CFL1: variants seen among roughly 807,000 people sequenced by gnomAD.
CFL1 encodes cofilin 1.
In CFL1, 2 loss-of-function variants were observed where a neutral mutation model predicts 16.3. The ratio of observed to expected loss-of-function variants is 0.12; its 90% CI spans 0.05 to 0.39. The LOEUF is 0.39. CFL1 is among the 10% of genes least tolerant of loss of function. The pLI is 0.99. For missense variants in CFL1, 75 were observed against 212.2 expected (o/e 0.35, Z 4.02); for synonymous variants, 111 against 84.4 (o/e 1.31, Z -1.73).
At chr11:65,857,979 C>T (rs984382983) in intron 1 of CFL1, 118 bp downstream of exon 1, 3 of 1,157,040 alleles carry the variant, frequency 2.6e-6, no homozygotes, top group African/African-American at 1.6e-5. Context: ...TCGTGCGAGA[C>T]CCTCATCCCG....
intron 1 of CFL1, chr11:65,857,581 A>T (rs1039659159): frequency 4.8e-6 from 1 of 210,514 alleles, no homozygotes; most frequent in Admixed American, 5.8e-5. Flanking sequence ...CCGCGCCAGC[A>T]CCCGCCCCTC....
intron 1 of CFL1, chr11:65,857,362 G>C (rs1486635329): frequency 7.7e-6 from 3 of 390,306 alleles, no homozygotes; most frequent in South Asian, 5.2e-5. Context: ...CTTCGGCACC[G>C]GCGGCCGGGC....
At position 65,854,785 on chromosome 11, in the gene CFL1, T is replaced by G. The variant is rs1270663915; in HGVS notation, c.*551A>C. 6.5e-6 allele frequency: 1 copy of G among 153,710 alleles called. No individual in the cohort carries two copies. The highest frequency in any genetic ancestry group is 2.4e-5 in the African/African-American group (1 of 41,284). The allele number at this position is 153,710 out of a possible 1,614,324, so 9.5% of individuals were successfully genotyped here. A position where few individuals can be genotyped will look rare whatever the true frequency, so the allele number is the denominator to read the frequency against. On this transcript the variant is annotated 3_prime_UTR_variant, in exon 4 of 4. Transcript: ENST00000308162. Reference sequence around the variant, plus strand: ...CCTGAAGTCTCCTGTGTCCCAACCTTGAAAAACACATCCCATTAATGAGCC... The same window carrying G: ...CCTGAAGTCTCCTGTGTCCCAACCTGGAAAAACACATCCCATTAATGAGCC...
intron 1 of CFL1, chr11:65,857,456 G>A (rs761533310): frequency 2.5e-4 from 104 of 423,428 alleles, no homozygotes; most frequent in Non-Finnish European, 4.6e-4. Context: ...CGTTAGATGC[G>A]CTCCCGAACG....
intron 3 of CFL1, 63 bp from the exon 4 acceptor site, chr11:65,855,511 G>T: frequency 6.3e-7 from 1 of 1,578,062 alleles, no homozygotes; most frequent in Non-Finnish European, 8.7e-7. Context: ...AGTTTCTGTG[G>T]CTGGGAAGGA....
chr11:65,857,320 G>C, intron 1 of CFL1: 4 of 343,050 alleles, frequency 1.2e-5, no homozygotes, highest in South Asian at 7.8e-5. Context: ...CCCTCACTCA[G>C]GCCCATCCGG....
chr11:65,855,130 T>C lies in CFL1; in HGVS notation c.*206A>G. On this transcript the variant is annotated 3_prime_UTR_variant, in exon 4 of 4. Transcript: ENST00000308162. ...AGAGGAATCAAAAGATCAAAAGCAG[T>C]TTGGGAAGGCCAGAACCGTCAAGGG... 1 of 531,774 alleles carries C rather than the reference T, an allele frequency of 1.9e-6. No homozygotes were observed. Among genetic ancestry groups the C allele is most frequent in the Admixed American group, 3.2e-5 (1 of 31,266 alleles). The allele number at this position is 531,774 out of a possible 1,614,324, so 32.9% of individuals were successfully genotyped here.
At chr11:65,855,539 G>C (rs1195169152) in intron 3 of CFL1, 91 bp from the exon 4 acceptor site, 1 of 1,557,626 alleles carries the variant, frequency 6.4e-7, no homozygotes, top group Non-Finnish European at 8.8e-7. Flanking sequence ...AAAGCAGATG[G>C]AAGGAACAAG....
At chr11:65,857,549 G>A in intron 1 of CFL1, 1 of 257,418 alleles carries the variant, frequency 3.9e-6, no homozygotes. Context: ...CCGGGACCCC[G>A]TCTTCCCAGC....
intron 1 of CFL1, 144 bp downstream of exon 1, chr11:65,857,953 G>C: frequency 1.2e-6 from 1 of 839,522 alleles, no homozygotes; most frequent in Non-Finnish European, 1.7e-6. Context: ...CGCGCATTCC[G>C]GCACCGCCCG....
intron 1 of CFL1, chr11:65,857,832 C>G (rs1859416329): frequency 7.4e-6 from 2 of 268,934 alleles, no homozygotes; most frequent in African/African-American, 4.5e-5. Flanking sequence ...CCCCGAACCC[C>G]TCCCCCCGCG....
chr11:65,855,411 C>T lies in CFL1; in HGVS notation c.426G>A (p.Glu142=). 2 of 1,613,432 alleles carry T rather than the reference C, an allele frequency of 1.2e-6. No homozygotes were observed. The highest frequency in any genetic ancestry group is 1.7e-6 in the Non-Finnish European group (2 of 1,179,846). The change falls in exon 4 of 4, where the codon GAG becomes GAA. Residue 142 remains glutamate, a synonymous_variant. Coordinates refer to ENST00000308162, the MANE Select transcript of CFL1 (RefSeq NM_005507.3). ...KHELQANCYE[E]VKDRCTLAEK... is the part of the protein sequence containing the mutation. ...CTGCCAGGGTGCAGCGGTCCTTGAC[C>T]TCCTCGTAGCAGTTTGCTTGCAATT...
chr11:65,855,707 T>C lies in CFL1; in HGVS notation c.335A>G (p.Lys112Arg). The C allele has an allele frequency of 6.4e-7, 1 of 1,565,338 alleles. No individual in the cohort carries two copies. Among genetic ancestry groups the C allele is most frequent in the Non-Finnish European group, 8.6e-7 (1 of 1,157,626 alleles). The change falls in exon 3 of 4, where the codon AAG (lysine) becomes AGG (arginine). Residue 112 changes from lysine (K) to arginine (R), a missense_variant. Lys to Arg is a conservative substitution (Grantham distance 26, BLOSUM62 2). Coordinates refer to ENST00000308162, the MANE Select transcript of CFL1 (RefSeq NM_005507.3). ...IFWAPESAPL[K>R]SKMIYASSKD... ...GGAGCTGGCATAAATCATTTTGCTC[T>C]TAAGGGGCGCAGACTCGGGGGCCCT...
At chr11:65,858,003 G>A (rs1168731795) in intron 1 of CFL1, 94 bp downstream of exon 1, 5 of 1,343,274 alleles carry the variant, frequency 3.7e-6, no homozygotes, top group African/African-American at 3.1e-5. Flanking sequence ...GGGGCGCTGG[G>A]GGAGGGGGTG....
chr11:65,857,295 C>G (rs1434279383), intron 1 of CFL1: 3 of 299,950 alleles, frequency 1.0e-5, no homozygotes, highest in African/African-American at 2.3e-5. Context: ...GGTCACTTCC[C>G]TAAACTCGGC....
intron 1 of CFL1, chr11:65,857,846 G>C: frequency 3.5e-6 from 1 of 287,818 alleles, no homozygotes. Flanking sequence ...CCCCGCGGCC[G>C]GTGTCCGCGC....
Position 65,858,166 on chromosome 11 carries a change from G to T in CFL1, c.-67C>A, listed in dbSNP as rs371944392. The T allele has an allele frequency of 3.3e-5, 49 of 1,494,744 alleles. No homozygotes were observed. In the South Asian group the frequency reaches 6.0e-4, roughly 18 times the overall value. 92.6% of individuals were successfully genotyped at this position (1,494,744 alleles called of 1,614,324 possible). ...AGACGAGAGCGCTGCAGCCGCTGCCGGGACCCGACTGAACGCGGCCTCTCC... is the reference window on the plus strand; with the variant it reads ...AGACGAGAGCGCTGCAGCCGCTGCCTGGACCCGACTGAACGCGGCCTCTCC... On this transcript the variant is annotated 5_prime_UTR_variant, in exon 1 of 4. Transcript: ENST00000308162.
At chr11:65,857,619 T>C (rs950811665) in intron 1 of CFL1, 2 of 221,772 alleles carry the variant, frequency 9.0e-6, no homozygotes, top group Non-Finnish European at 2.0e-5. Context: ...TGCCACCTGC[T>C]CCCGAGACGG....
chr11:65,856,018 T>G lies in CFL1; in HGVS notation c.228A>C (p.Pro76=). 1.9e-6 allele frequency: 3 copies of G among 1,614,170 alleles called. No individual in the cohort carries two copies. The highest frequency in any genetic ancestry group is 2.5e-6 in the Non-Finnish European group (3 of 1,180,026). The change falls in exon 2 of 4, where the codon CCA becomes CCC. Residue 76 remains proline (P), a synonymous_variant. Transcript: ENST00000308162. ...AGAGGGCATAGCGGCAGTCCTTATC[T>G]GGCAGCATCTTGACAAAGGTGGCGT... ...DPYATFVKML[P]DKDCRYALYD... is the part of the protein sequence containing the mutation.
Sources: gnomAD v4.1 joint callset for allele counts on GRCh38, gnomAD v4.1.1 for gene constraint, MANE v1.5 for transcripts, NCBI Gene and HGNC (gene_info 2026-07-23, HGNC 2026-07-21) for gene names.